Variants in PRKCH observed in about 807,000 individuals in gnomAD.
PRKCH encodes protein kinase C eta type.
PRKCH carries 28 observed loss-of-function variants against 82.5 expected under a neutral mutation model. The ratio of observed to expected loss-of-function variants is 0.34; its 90% CI spans 0.25 to 0.47. The LOEUF (loss-of-function observed/expected upper bound fraction) is 0.47, where lower values mean the gene tolerates loss of function less well. Among genes scored for constraint, PRKCH ranks in the 20% least tolerant of loss-of-function variants. The probability of loss-of-function intolerance (pLI) is 1.00; values close to 1 mark genes in which losing one functional copy is unlikely to be tolerated. For missense variants in PRKCH, 705 were observed against 881.8 expected, an observed-to-expected ratio of 0.80 and a Z score of 2.54; for synonymous variants, 322 against 327.4, an observed-to-expected ratio of 0.98 and a Z score of 0.18.
At chr14:61,408,748 T>C (rs1411333254) in intron 2 of PRKCH, among the ~76,000 whole-genome samples, 1 of 152,112 alleles carries the variant, frequency 6.6e-6, no homozygotes, top group Non-Finnish European at 1.5e-5. Context: ...TACTTGGTGG[T>C]GAATCATCTA....
At chr14:61,308,393 A>G (rs2140108446) in intron 1 of PRKCH, among the ~76,000 whole-genome samples, 1 of 152,288 alleles carries the variant, frequency 6.6e-6, no homozygotes, top group South Asian at 2.1e-4. Flanking sequence ...GGACTCTTAA[A>G]ATGAGTAACT....
At chr14:61,438,555 G>A (rs1405676094) in intron 2 of PRKCH, among the ~76,000 whole-genome samples, 2 of 152,066 alleles carry the variant, frequency 1.3e-5, no homozygotes, top group East Asian at 3.8e-4. Context: ...CCATAAATTC[G>A]AGCAGATAGA....
chr14:61,439,398 C>G (rs1375110851), intron 2 of PRKCH, among the ~76,000 whole-genome samples: 1 of 152,076 alleles, frequency 6.6e-6, no homozygotes, highest in East Asian at 1.9e-4. Context: ...CTTTATGTGA[C>G]CAAATGTCTT....
At chr14:61,484,100 C>T (rs897360468) in intron 9 of PRKCH, among the ~76,000 whole-genome samples, 2 of 152,042 alleles carry the variant, frequency 1.3e-5, no homozygotes, top group South Asian at 2.1e-4. Flanking sequence ...CCACTTTCCT[C>T]GCAAAATAAT....
chr14:61,364,229 AT>A (rs919112744), intron 1 of PRKCH, among the ~76,000 whole-genome samples: 5 of 151,700 alleles, frequency 3.3e-5, no homozygotes, highest in African/African-American at 1.2e-4. Context: ...CACCCTTAGT[AT>A]TTGATGAAGT....
At chr14:61,373,682 C>T (rs192249383) in intron 1 of PRKCH, among the ~76,000 whole-genome samples, 1 of 152,112 alleles carries the variant, frequency 6.6e-6, no homozygotes, top group Non-Finnish European at 1.5e-5. Context: ...CTCACTGAAA[C>T]CTCTGCCTCG....
chr14:61,224,541 G>A (rs987222026), intron 1 of PRKCH, among the ~76,000 whole-genome samples: 1 of 152,176 alleles, frequency 6.6e-6, no homozygotes, highest in Non-Finnish European at 1.5e-5. Flanking sequence ...CAGTCCTGAG[G>A]AGTGCTGTGT....
intron 1 of PRKCH, among the ~76,000 whole-genome samples, chr14:61,349,408 A>G (rs2046041124): frequency 6.6e-6 from 1 of 152,184 alleles, no homozygotes. Context: ...CAAGGTTCTG[A>G]GAGATTAGAT....
At chr14:61,502,455 G>C (rs1886961221) in intron 10 of PRKCH, among the ~76,000 whole-genome samples, 2 of 152,124 alleles carry the variant, frequency 1.3e-5, no homozygotes, top group South Asian at 4.1e-4. Flanking sequence ...GGTTTTTTCA[G>C]ATCAGGCAAC....
intron 13 of PRKCH, among the ~76,000 whole-genome samples, chr14:61,548,607 C>G (rs2140046164): frequency 6.6e-6 from 1 of 152,252 alleles, no homozygotes; most frequent in South Asian, 2.1e-4. Flanking sequence ...TGCCTATAAT[C>G]CCAGCACTTT....
upstream of PRKCH, among the ~76,000 whole-genome samples, chr14:61,319,857 G>A (rs192217153): frequency 7.2e-5 from 11 of 152,354 alleles, no homozygotes; most frequent in Admixed American, 1.3e-4. Context: ...GTTCTCTAAG[G>A]AAGCTTTGGT....
At position 61,550,876 on chromosome 14, in the gene PRKCH, T is replaced by G. The variant is rs1315050489; in HGVS notation, c.*1045T>G. On this transcript the variant is annotated 3_prime_UTR_variant, in exon 14 of 14. Transcript: ENST00000332981. Reference sequence around the variant, plus strand: ...TCACTTTAATAATTAGAAATGGATCTTGTAAACAGGGCATATATCAAAGAT... The same window carrying G: ...TCACTTTAATAATTAGAAATGGATCGTGTAAACAGGGCATATATCAAAGAT... 1 of 152,226 alleles carries G rather than the reference T, an allele frequency of 6.6e-6. No homozygotes were observed. Among genetic ancestry groups the G allele is most frequent in the East Asian group, 1.9e-4 (1 of 5,204 alleles). 9.4% of individuals were successfully genotyped at this position (152,226 alleles called of 1,614,324 possible).
chr14:61,485,910 C>T (rs1886198834), intron 10 of PRKCH, among the ~76,000 whole-genome samples: 1 of 152,204 alleles, frequency 6.6e-6, no homozygotes, highest in Non-Finnish European at 1.5e-5. Context: ...TACAGGCACG[C>T]ACCACTACAC....
intron 1 of PRKCH, among the ~76,000 whole-genome samples, chr14:61,191,933 C>T (rs2044409148): frequency 6.6e-6 from 1 of 152,062 alleles, no homozygotes; most frequent in Admixed American, 6.5e-5. Flanking sequence ...TGCTTAAATT[C>T]ATGTACACTC....
chr14:61,439,464 G>A (rs915826523), intron 2 of PRKCH, among the ~76,000 whole-genome samples: 8 of 152,180 alleles, frequency 5.3e-5, no homozygotes, highest in Non-Finnish European at 1.0e-4. Context: ...TTTTCTAAAC[G>A]AAGCACACGT....
intron 9 of PRKCH, among the ~76,000 whole-genome samples, chr14:61,460,155 T>A (rs1268274766): frequency 6.6e-6 from 1 of 152,222 alleles, no homozygotes; most frequent in Non-Finnish European, 1.5e-5. Flanking sequence ...CCACTTTATT[T>A]TTTTAAGACA....
intron 1 of PRKCH, among the ~76,000 whole-genome samples, chr14:61,203,436 C>T (rs1352965162): frequency 6.6e-6 from 1 of 152,026 alleles, no homozygotes; most frequent in African/African-American, 2.4e-5. Flanking sequence ...ACATCTCAGG[C>T]ATGGTGGAGG....
At chr14:61,424,368 C>T (rs1258733817) in intron 2 of PRKCH, among the ~76,000 whole-genome samples, 1 of 152,150 alleles carries the variant, frequency 6.6e-6, no homozygotes, top group African/African-American at 2.4e-5. Context: ...TTTGGAACTT[C>T]CTAGAGACTT....
At chr14:61,215,225 A>C (rs1217753913) in intron 1 of PRKCH, among the ~76,000 whole-genome samples, 1 of 152,178 alleles carries the variant, frequency 6.6e-6, no homozygotes, top group African/African-American at 2.4e-5. Flanking sequence ...AGGAACATTC[A>C]CAACCAGTAG....
Sources: gnomAD v4.1 joint callset for allele counts (sites outside exome capture counted in the v4.1 genomes callset) on GRCh38, gnomAD v4.1.1 for gene constraint, MANE v1.5 for transcripts, NCBI Gene and HGNC (gene_info 2026-07-23, HGNC 2026-07-21) for gene names.